VPS13A: variants seen among roughly 807,000 people sequenced by gnomAD.
VPS13A encodes the protein vacuolar protein sorting 13 homolog A.
In VPS13A, 264 loss-of-function variants were observed where a neutral mutation model predicts 390.9. The ratio of observed to expected loss-of-function variants is 0.68; its 90% CI spans 0.61 to 0.75. VPS13A has a LOEUF of 0.75. Ranked by LOEUF, VPS13A falls within the 30% of genes least tolerant of loss-of-function variation. The pLI, the probability that VPS13A is intolerant of heterozygous loss-of-function variation, is 0.00. For synonymous variants in VPS13A, 1,231 were observed against 1,227.1 expected (o/e 1.00, Z -0.07); for missense variants, 3,409 against 3,733.9 (o/e 0.91, Z 2.27).
chr9:77,414,521 T>C (rs1379413326), intron 71 of VPS13A, among the ~76,000 whole-genome samples: 4 of 150,798 alleles, frequency 2.7e-5, no homozygotes, highest in Non-Finnish European at 5.9e-5. Context: ...TTCTCACTCA[T>C]AGGTGGGAAT....
In VPS13A at chr9:77,419,263, A is replaced by T. The variant is rs1279497598; in HGVS notation, c.*3257A>T. On this transcript the variant is annotated 3_prime_UTR_variant, in exon 72 of 72. Transcript: ENST00000360280. ...CAACTTAACAGCTCAAGACCAGTAT[A>T]TTTTAAACGTGAAATAATAAAAAAT... The T allele has an allele frequency of 6.6e-6, 1 of 152,200 alleles. No homozygotes were observed. The highest frequency in any genetic ancestry group is 2.4e-5 in the African/African-American group (1 of 41,456). The allele number at this position is 152,200 out of a possible 1,614,324, so 9.4% of individuals were successfully genotyped here.
intron 34 of VPS13A, among the ~76,000 whole-genome samples, chr9:77,306,424 G>T (rs1481807742): frequency 1.3e-5 from 2 of 151,142 alleles, no homozygotes. Flanking sequence ...TTGTGTGTGT[G>T]TGTGTGTGTG....
At chr9:77,215,892 A>G (rs1406352985) in intron 10 of VPS13A, among the ~76,000 whole-genome samples, 1 of 152,242 alleles carries the variant, frequency 6.6e-6, no homozygotes, top group African/African-American at 2.4e-5. Flanking sequence ...GCACTCCAGT[A>G]CAAAACTGCC....
chr9:77,251,356 A>G lies in VPS13A; in HGVS notation c.2171-879A>G, dbSNP rs545624895. On this transcript the variant is annotated intron_variant, in intron 21 of 71. Transcript: ENST00000360280. ...GCATTATATGACTGAGATCCCATTA[A>G]TCTTGTTATGAATTTTTAAAGTTAT... Among the ~76,000 whole-genome samples, 18 of 152,312 alleles carry G rather than the reference A, an allele frequency of 1.2e-4. 1 individual carries two copies. The South Asian group carries it at 3.7e-3, about 32-fold the overall frequency.
chr9:77,297,404 C>A lies in VPS13A; in HGVS notation c.3812+1558C>A, dbSNP rs572343036. Among the ~76,000 whole-genome samples, 6 of 152,042 alleles carry A rather than the reference C, an allele frequency of 3.9e-5. No individual in the cohort carries two copies. The South Asian group carries it at 1.2e-3, about 32-fold the overall frequency. Reference sequence around the variant, plus strand: ...TCTACTCTGGGGCTTTCCTGGCCTTCCCCTGGGTCCCCCCTCCCTGTACCA... The same window carrying A: ...TCTACTCTGGGGCTTTCCTGGCCTTACCCTGGGTCCCCCCTCCCTGTACCA... On this transcript the variant is annotated intron_variant, in intron 33 of 71. Transcript: ENST00000360280.
intron 2 of VPS13A, among the ~76,000 whole-genome samples, chr9:77,200,708 T>TA (rs936951083): frequency 6.6e-6 from 1 of 152,148 alleles, no homozygotes; most frequent in African/African-American, 2.4e-5. Flanking sequence ...TTTAATCTGA[T>TA]AAAGACTAGT....
chr9:77,306,402 G>GAGAGAA (rs1318610728), intron 34 of VPS13A, among the ~76,000 whole-genome samples: 1 of 121,446 alleles, frequency 8.2e-6, no homozygotes, highest in African/African-American at 3.4e-5. Flanking sequence ...GAGAGAGAGA[G>GAGAGAA]TGTGTGTGTG....
At chr9:77,302,232 A>G (rs1828413869) in intron 33 of VPS13A, among the ~76,000 whole-genome samples, 1 of 151,992 alleles carries the variant, frequency 6.6e-6, no homozygotes. Flanking sequence ...TGCTGGGATT[A>G]CAAGCATGAG....
intron 68 of VPS13A, among the ~76,000 whole-genome samples, chr9:77,398,527 T>G (rs1028475019): frequency 1.3e-5 from 2 of 151,372 alleles, no homozygotes; most frequent in African/African-American, 4.9e-5. Flanking sequence ...AATTCTGGGG[T>G]TTTTTCCCCC....
chr9:77,381,331 G>A (rs748228076), intron 67 of VPS13A, among the ~76,000 whole-genome samples: 1 of 152,052 alleles, frequency 6.6e-6, no homozygotes, highest in Non-Finnish European at 1.5e-5. Context: ...ATTGGGGTAT[G>A]TGTTTACAGT....
intron 17 of VPS13A, among the ~76,000 whole-genome samples, chr9:77,229,862 C>G (rs1823725148): frequency 6.6e-6 from 1 of 152,136 alleles, no homozygotes; most frequent in African/African-American, 2.4e-5. Flanking sequence ...CCAAAGCAGC[C>G]TCACCATTTT....
chr9:77,230,094 A>AT (rs1025288135), intron 17 of VPS13A, among the ~76,000 whole-genome samples: 1 of 151,096 alleles, frequency 6.6e-6, no homozygotes, highest in South Asian at 2.1e-4. Context: ...TGTCTATTAG[A>AT]TTTTTTTTCC....
intron 23 of VPS13A, among the ~76,000 whole-genome samples, chr9:77,264,574 C>T (rs1242810239): frequency 2.0e-5 from 3 of 152,070 alleles, no homozygotes; most frequent in Non-Finnish European, 4.4e-5. Context: ...AATGGGAGTT[C>T]ACTGATTATT....
In VPS13A at chr9:77,375,193, A is replaced by G. The variant is rs1320251727; in HGVS notation, c.9077+4044A>G. Among the ~76,000 whole-genome samples, 4 of 152,150 alleles carry G rather than the reference A, an allele frequency of 2.6e-5. No homozygotes were observed. The East Asian group carries it at 5.8e-4, about 22-fold the overall frequency. ...TTTATCTAAAACCTTATAATTCTGT[A>G]CCCAGGTATATTACCTTTAGGGATT... On this transcript the variant is annotated intron_variant, in intron 67 of 71. Transcript: ENST00000360280.
intron 68 of VPS13A, chr9:77,384,436 A>G: frequency 9.5e-7 from 1 of 1,054,588 alleles, no homozygotes; most frequent in East Asian, 2.4e-5. Context: ...GGAATATTAT[A>G]TCCATAATTA....
chr9:77,247,488 C>T, intron 20 of VPS13A, 93 bp downstream of exon 20: 1 of 1,300,156 alleles, frequency 7.7e-7, no homozygotes, highest in Non-Finnish European at 1.1e-6. Flanking sequence ...TGATTTATTG[C>T]TTTTTTTCCT....
intron 3 of VPS13A, among the ~76,000 whole-genome samples, chr9:77,202,141 C>T (rs1476247467): frequency 6.6e-6 from 1 of 151,990 alleles, no homozygotes; most frequent in Admixed American, 6.6e-5. Flanking sequence ...GAAAGGTTAC[C>T]TAGATTACAT....
At chr9:77,347,367 T>C (rs2131529816) in intron 52 of VPS13A, among the ~76,000 whole-genome samples, 1 of 152,354 alleles carries the variant, frequency 6.6e-6, no homozygotes, top group Non-Finnish European at 1.5e-5. Flanking sequence ...TAAATAAATA[T>C]TCCCTTCTTA....
intron 33 of VPS13A, among the ~76,000 whole-genome samples, chr9:77,299,120 A>G (rs1236542490): frequency 2.0e-5 from 3 of 151,974 alleles, no homozygotes; most frequent in Admixed American, 6.6e-5. Context: ...TGGTCTATAT[A>G]TCCGTTTTGG....
Sources: allele counts gnomAD v4.1 joint callset (sites outside exome capture counted in the v4.1 genomes callset), GRCh38; gene constraint gnomAD v4.1.1; transcripts MANE v1.5; gene names NCBI Gene and HGNC (gene_info 2026-07-23, HGNC 2026-07-21).